Variants in THSD7A observed in about 807,000 individuals in gnomAD.
THSD7A encodes thrombospondin type 1 domain containing 7A, also known as thrombospondin type-1 domain-containing protein 7A.
In THSD7A, 96 loss-of-function variants were observed where a neutral mutation model predicts 231.3. That is an observed-to-expected ratio of 0.41 (90% CI 0.35 to 0.49). The LOEUF (loss-of-function observed/expected upper bound fraction) is 0.49, where lower values mean the gene tolerates loss of function less well. Ranked by LOEUF, THSD7A falls within the 20% of genes least tolerant of loss-of-function variation. The probability of loss-of-function intolerance (pLI) is 0.05; values close to 1 mark genes in which losing one functional copy is unlikely to be tolerated. For missense variants in THSD7A, 2,290 were observed against 2,070.2 expected, an observed-to-expected ratio of 1.11 and a Z score of -2.06; for synonymous variants, 940 against 743.3, an observed-to-expected ratio of 1.26 and a Z score of -4.30.
chr7:11,680,685 C>G (rs1348487583), intron 1 of THSD7A, among the ~76,000 whole-genome samples: 2 of 151,834 alleles, frequency 1.3e-5, no homozygotes, highest in Non-Finnish European at 2.9e-5. Context: ...AGCGATCATT[C>G]AAAATTCAGG....
chr7:11,428,359 C>T (rs766623682), intron 14 of THSD7A, among the ~76,000 whole-genome samples: 13 of 152,084 alleles, frequency 8.5e-5, no homozygotes, highest in East Asian at 1.9e-4. Flanking sequence ...CAACTATTAA[C>T]AGCAGGTAAG....
intron 23 of THSD7A, among the ~76,000 whole-genome samples, chr7:11,400,198 T>G (rs983113014): frequency 6.8e-6 from 1 of 147,938 alleles, no homozygotes; most frequent in African/African-American, 2.5e-5. Flanking sequence ...CATTAGAAGA[T>G]ATACCTAATG....
Position 11,429,120 on chromosome 7 carries a change from T to C in THSD7A, c.3070A>G (p.Ile1024Val), listed in dbSNP as rs1784406159. Residue 1024 changes from isoleucine to valine, a missense_variant, in exon 14 of 28, where the codon ATT becomes GTT. Ile to Val is a conservative substitution (Grantham distance 29, BLOSUM62 3). Coordinates refer to ENST00000423059, the MANE Select transcript of THSD7A (RefSeq NM_015204.3). ...CAGGGGATGATGCAGGCCTCCTCAA[T>C]GTAACCTGAGTAGAGGAAAATGAGA... ...ETSRCNSHGY[I>V]EEACIIPCPS... is the part of the protein sequence containing the mutation. 1.9e-6 allele frequency: 3 copies of C among 1,588,396 alleles called. No individual in the cohort carries two copies. Among genetic ancestry groups the C allele is most frequent in the Admixed American group, 1.9e-5 (1 of 52,804 alleles).
At chr7:11,452,468 T>G (rs1292828390) in intron 11 of THSD7A, among the ~76,000 whole-genome samples, 1 of 152,044 alleles carries the variant, frequency 6.6e-6, no homozygotes, top group Non-Finnish European at 1.5e-5. Flanking sequence ...TGGAAAGAAA[T>G]GTACCTTCAT....
intron 26 of THSD7A, chr7:11,376,955 A>G (rs1245208098): frequency 4.1e-6 from 1 of 243,826 alleles, no homozygotes; most frequent in East Asian, 7.9e-5. Context: ...TTCAAACTCA[A>G]TACATGTGTA....
At chr7:11,763,728 A>T (rs1429055236) in intron 1 of THSD7A, among the ~76,000 whole-genome samples, 6 of 152,128 alleles carry the variant, frequency 3.9e-5, no homozygotes, top group Admixed American at 3.3e-4. Flanking sequence ...CAATATTTGT[A>T]GCTGGTTATT....
chr7:11,697,858 C>T (rs1347310493), intron 1 of THSD7A, among the ~76,000 whole-genome samples: 2 of 151,360 alleles, frequency 1.3e-5, no homozygotes, highest in Non-Finnish European at 3.0e-5. Context: ...GAACAAATTT[C>T]CTCCATTAAA....
intron 6 of THSD7A, among the ~76,000 whole-genome samples, chr7:11,513,727 C>T (rs989097727): frequency 1.3e-5 from 2 of 151,980 alleles, no homozygotes; most frequent in South Asian, 2.1e-4. Context: ...AGTGGTTGCA[C>T]AACATTATGG....
chr7:11,765,423 C>T (rs981155597), intron 1 of THSD7A, among the ~76,000 whole-genome samples: 7 of 152,070 alleles, frequency 4.6e-5, no homozygotes, highest in African/African-American at 9.7e-5. Context: ...CTTACCAGTA[C>T]GATAGGTTAC....
rs545848248 is a variant in THSD7A, at chr7:11,799,145, T to G, written c.190+32612A>C. Among the ~76,000 whole-genome samples the G allele has an allele frequency of 3.3e-5, 5 of 152,188 alleles. No individual in the cohort carries two copies. The South Asian group carries it at 1.0e-3, about 32-fold the overall frequency. On this transcript the variant is annotated intron_variant, in intron 1 of 27. Transcript: ENST00000423059. ...ACCATGTTGGCCAGGATGGTCTCGATCTCTTGACCTCATGATCCACCCGCC... is the reference window on the plus strand; with the variant it reads ...ACCATGTTGGCCAGGATGGTCTCGAGCTCTTGACCTCATGATCCACCCGCC...
At chr7:11,497,090 G>A (rs1344201164) in intron 6 of THSD7A, among the ~76,000 whole-genome samples, 2 of 152,140 alleles carry the variant, frequency 1.3e-5, no homozygotes, top group Non-Finnish European at 2.9e-5. Context: ...TTACAATCAT[G>A]GTGGAAGGGG....
intron 9 of THSD7A, among the ~76,000 whole-genome samples, chr7:11,467,407 AG>A (rs966612578): frequency 1.3e-5 from 2 of 152,184 alleles, no homozygotes; most frequent in African/African-American, 2.4e-5. Context: ...TGCAATTAAA[AG>A]CTTCCTTGAT....
At chr7:11,491,035 G>C (rs1279485671) in intron 6 of THSD7A, among the ~76,000 whole-genome samples, 1 of 152,000 alleles carries the variant, frequency 6.6e-6, no homozygotes. Flanking sequence ...AAACCCCACT[G>C]TGTTCCAATT....
intron 2 of THSD7A, among the ~76,000 whole-genome samples, chr7:11,595,462 GTTC>G (rs1780327584): frequency 6.6e-6 from 1 of 152,084 alleles, no homozygotes; most frequent in Admixed American, 6.6e-5. Flanking sequence ...TTAAAAAAAG[GTTC>G]TAATGGTTTA....
intron 19 of THSD7A, among the ~76,000 whole-genome samples, chr7:11,410,259 G>GTTAAT (rs1207330802): frequency 6.6e-6 from 1 of 152,106 alleles, no homozygotes; most frequent in Non-Finnish European, 1.5e-5. Context: ...ATGTAAGAAA[G>GTTAAT]TTAAGTTAGG....
chr7:11,400,802 A>G (rs1279470947), intron 23 of THSD7A, among the ~76,000 whole-genome samples: 2 of 152,152 alleles, frequency 1.3e-5, no homozygotes, highest in South Asian at 2.1e-4. Context: ...AAGAAAGGTG[A>G]TATTTTGTCT....
At chr7:11,447,103 T>A in intron 12 of THSD7A, 127 bp downstream of exon 12, 2 of 907,198 alleles carry the variant, frequency 2.2e-6, no homozygotes, top group Non-Finnish European at 3.3e-6. Context: ...CAGCTAAATT[T>A]AAAATATACA....
intron 2 of THSD7A, among the ~76,000 whole-genome samples, chr7:11,596,106 C>A (rs1201988487): frequency 6.6e-6 from 1 of 152,186 alleles, no homozygotes; most frequent in African/African-American, 2.4e-5. Context: ...TTTACAGACC[C>A]AGAACCTCTT....
intron 1 of THSD7A, among the ~76,000 whole-genome samples, chr7:11,825,356 T>G (rs1166751967): frequency 6.6e-6 from 1 of 152,154 alleles, no homozygotes; most frequent in African/African-American, 2.4e-5. Context: ...AGGTAAGATG[T>G]AAACAGTGGT....
Sources: allele counts gnomAD v4.1 joint callset (sites outside exome capture counted in the v4.1 genomes callset), GRCh38; gene constraint gnomAD v4.1.1; transcripts MANE v1.5; gene names NCBI Gene and HGNC (gene_info 2026-07-23, HGNC 2026-07-21).